The following RPS6KC1 variants were observed in gnomAD, a reference collection of about 807,000 sequenced individuals.
RPS6KC1 encodes the protein inactive ribosomal protein S6 kinase delta-1.
In RPS6KC1, 54 loss-of-function variants were observed where a neutral mutation model predicts 103.8. The observed-to-expected ratio is 0.52, with a 90% CI of 0.42 to 0.65. The LOEUF (loss-of-function observed/expected upper bound fraction) is 0.65. Ranked by LOEUF, RPS6KC1 falls within the 30% of genes least tolerant of loss-of-function variation. The probability of loss-of-function intolerance (pLI) is 0.00; values close to 1 mark genes in which losing one functional copy is unlikely to be tolerated. For missense variants in RPS6KC1, 1,151 were observed against 1,253.8 expected (o/e 0.92, Z 1.24); for synonymous variants, 439 against 438.7 (o/e 1.00, Z -0.01).
the RPS6KC1 span, among the ~76,000 whole-genome samples, chr1:213,777,595 ATTC>A: frequency 6.6e-6 from 1 of 152,346 alleles, no homozygotes; most frequent in Admixed American, 6.5e-5. Flanking sequence ...TGGCACCAAT[ATTC>A]TTGCTTAATG....
Position 213,241,545 on chromosome 1 carries a change from A to T in RPS6KC1, c.2069A>T (p.Asp690Val), listed in dbSNP as rs889893171. The T allele has an allele frequency of 2.5e-6, 4 of 1,614,008 alleles. No individual in the cohort carries two copies. Among genetic ancestry groups the T allele is most frequent in the Admixed American group, 1.7e-5 (1 of 59,974 alleles). The change falls in exon 11 of 15, where the codon GAT (aspartate) becomes GTT (valine). Residue 690 changes from aspartate (D) to valine (V), a missense_variant. Asp to Val is a radical substitution (Grantham distance 152, BLOSUM62 -3). This residue lies in a region of RPS6KC1 where 959 missense variants were observed against 1,006.3 expected (regional missense o/e 0.95). Transcript: ENST00000366960. Reference sequence around the variant, plus strand: ...AGTGGTACTGATGAAGGAAGACCTGATCTTCTTGTAAATTTACCTGGTGAA... The same window carrying T: ...AGTGGTACTGATGAAGGAAGACCTGTTCTTCTTGTAAATTTACCTGGTGAA... ...DVSGTDEGRP[D>V]LLVNLPGELE...
At chr1:213,633,649 A>G in the RPS6KC1 span, among the ~76,000 whole-genome samples, 3 of 151,958 alleles carry the variant, frequency 2.0e-5, no homozygotes, top group African/African-American at 7.3e-5. Context: ...CTAATGGGCA[A>G]AATAACCACC....
chr1:213,218,716 G>A (rs1386821865), intron 8 of RPS6KC1, among the ~76,000 whole-genome samples: 7 of 151,934 alleles, frequency 4.6e-5, no homozygotes, highest in Admixed American at 2.0e-4. Context: ...AAATAACGCC[G>A]CATATCTACA....
At chr1:213,629,227 T>C in the RPS6KC1 span, among the ~76,000 whole-genome samples, 3 of 152,240 alleles carry the variant, frequency 2.0e-5, no homozygotes, top group East Asian at 1.9e-4. Flanking sequence ...TAAGTCTCTT[T>C]GTAGGTCTCT....
chr1:213,628,227 C>A, the RPS6KC1 span, among the ~76,000 whole-genome samples: 1 of 152,152 alleles, frequency 6.6e-6, no homozygotes, highest in East Asian at 1.9e-4. Context: ...TTATAGTATT[C>A]TCTGATGGTA....
At chr1:213,162,203 G>A (rs1458901564) in intron 6 of RPS6KC1, among the ~76,000 whole-genome samples, 2 of 152,100 alleles carry the variant, frequency 1.3e-5, no homozygotes, top group Non-Finnish European at 2.9e-5. Flanking sequence ...AAACTTAAGG[G>A]ACTGCTATCA....
At chr1:213,830,374 C>T in the RPS6KC1 span, among the ~76,000 whole-genome samples, 2 of 152,076 alleles carry the variant, frequency 1.3e-5, no homozygotes, top group African/African-American at 4.8e-5. Context: ...TTCATCCCCC[C>T]AATGGATAAA....
intron 8 of RPS6KC1, among the ~76,000 whole-genome samples, chr1:213,177,019 G>A (rs1401487538): frequency 6.6e-6 from 1 of 152,134 alleles, no homozygotes. Flanking sequence ...AGCTAATTTA[G>A]GATGGTGCTG....
At chr1:213,745,314 T>A in the RPS6KC1 span, among the ~76,000 whole-genome samples, 2 of 151,174 alleles carry the variant, frequency 1.3e-5, no homozygotes, top group African/African-American at 2.4e-5. Context: ...TTGAGTCCCT[T>A]GGCTAAAGAA....
rs530191077 is a variant in RPS6KC1 at position 213,075,744 on chromosome 1, G to A, written c.142-1952G>A. ...ATCATTTTAGGCAAATACTGAGTAT[G>A]TACTTTTGTTTAAAAATTGCCTAAA... On this transcript the variant is annotated intron_variant, in intron 2 of 14. Transcript: ENST00000366960. 5.9e-5 allele frequency among the ~76,000 whole-genome samples: 9 copies of A among 152,140 alleles called. No individual in the cohort carries two copies. The East Asian group carries it at 1.7e-3, about 29-fold the overall frequency.
chr1:213,787,924 A>G, the RPS6KC1 span, among the ~76,000 whole-genome samples: 8 of 152,102 alleles, frequency 5.3e-5, no homozygotes, highest in Non-Finnish European at 1.2e-4. Flanking sequence ...ATAATGAGGG[A>G]GTGGAGGCCA....
the RPS6KC1 span, among the ~76,000 whole-genome samples, chr1:213,482,540 GTTTTTTTT>G: frequency 1.6e-5 from 1 of 61,150 alleles, no homozygotes; most frequent in Non-Finnish European, 3.3e-5. Context: ...CTAACTTGAG[GTTTTTTTT>G]TTTTTTTTTT....
chr1:213,209,155 C>T (rs1011840183), intron 8 of RPS6KC1, among the ~76,000 whole-genome samples: 2 of 152,046 alleles, frequency 1.3e-5, no homozygotes, highest in African/African-American at 4.8e-5. Flanking sequence ...ACCTGGAGTG[C>T]CTTCTTTTCC....
chr1:213,062,682 G>A (rs1353890247), intron 1 of RPS6KC1, among the ~76,000 whole-genome samples: 2 of 151,710 alleles, frequency 1.3e-5, no homozygotes, highest in African/African-American at 4.8e-5. Flanking sequence ...TCAGTCTCTC[G>A]AGCAGCTGGG....
chr1:213,419,490 G>A, the RPS6KC1 span, among the ~76,000 whole-genome samples: 1 of 152,164 alleles, frequency 6.6e-6, no homozygotes. Flanking sequence ...TAAAGAGGAG[G>A]AACCTGAGAG....
chr1:213,082,916 G>T (rs778644349), intron 3 of RPS6KC1, among the ~76,000 whole-genome samples: 4 of 152,174 alleles, frequency 2.6e-5, no homozygotes, highest in Non-Finnish European at 4.4e-5. Context: ...TCTCAATAAA[G>T]ATTAAGGTTG....
At chr1:213,675,531 C>T in the RPS6KC1 span, among the ~76,000 whole-genome samples, 1 of 152,120 alleles carries the variant, frequency 6.6e-6, no homozygotes, top group African/African-American at 2.4e-5. Flanking sequence ...TTTTGTTGGT[C>T]TTACCCCTTT....
intron 3 of RPS6KC1, among the ~76,000 whole-genome samples, chr1:213,103,761 C>T (rs1458836084): frequency 2.6e-5 from 4 of 152,192 alleles, no homozygotes; most frequent in Non-Finnish European, 1.5e-5. Context: ...TAAATGTCAA[C>T]TGGTAATCTA....
At chr1:213,658,095 C>G in the RPS6KC1 span, among the ~76,000 whole-genome samples, 2 of 152,254 alleles carry the variant, frequency 1.3e-5, no homozygotes, top group East Asian at 3.9e-4. Flanking sequence ...AATGCTTGTG[C>G]GCACTGTAAA....
Sources: gnomAD v4.1 joint callset for allele counts (sites outside exome capture counted in the v4.1 genomes callset) on GRCh38, gnomAD v4.1.1 for gene constraint, gnomAD v4.1.1 regional missense constraint, MANE v1.5 for transcripts, NCBI Gene and HGNC (gene_info 2026-07-23, HGNC 2026-07-21) for gene names.